NAALADL2: variants seen among roughly 807,000 people sequenced by gnomAD.
The protein encoded by NAALADL2 is inactive N-acetylated-alpha-linked acidic dipeptidase-like protein 2.
NAALADL2 carries 76 observed loss-of-function variants against 87.2 expected under a neutral mutation model. The ratio of observed to expected loss-of-function variants is 0.87; its 90% CI spans 0.72 to 1.05. The LOEUF is 1.05. NAALADL2 is among the 50% of genes least tolerant of loss of function. The pLI is 0.00. For missense variants in NAALADL2, 1,089 were observed against 945.8 expected (o/e 1.15, Z -1.99); for synonymous variants, 354 against 331.0 (o/e 1.07, Z -0.75).
intron 2 of NAALADL2, among the ~76,000 whole-genome samples, chr3:174,697,731 A>G (rs1729165052): frequency 6.6e-6 from 1 of 152,184 alleles, no homozygotes; most frequent in African/African-American, 2.4e-5. Context: ...TTAAAAATAA[A>G]TATGTAAAAA....
chr3:175,120,218 A>T (rs1209035868), intron 2 of NAALADL2, among the ~76,000 whole-genome samples: 1 of 151,732 alleles, frequency 6.6e-6, no homozygotes, highest in African/African-American at 2.4e-5. Context: ...TTCCATGTAG[A>T]CATTTTACAA....
At chr3:175,442,489 T>C (rs569408947) in intron 5 of NAALADL2, among the ~76,000 whole-genome samples, 2 of 152,308 alleles carry the variant, frequency 1.3e-5, no homozygotes, top group East Asian at 3.9e-4. Flanking sequence ...GCTCTATGGC[T>C]CTGAACTAAT....
intron 3 of NAALADL2, among the ~76,000 whole-genome samples, chr3:174,850,679 A>C (rs565514510): frequency 1.3e-5 from 2 of 152,282 alleles, no homozygotes; most frequent in South Asian, 4.1e-4. Context: ...GTGGACTTCA[A>C]CACACCATTT....
chr3:174,797,248 A>G (rs1718208478), intron 3 of NAALADL2, among the ~76,000 whole-genome samples: 1 of 146,784 alleles, frequency 6.8e-6, no homozygotes, highest in South Asian at 2.2e-4. Flanking sequence ...AAAGACCAGT[A>G]GGCTCTAAGT....
At chr3:175,233,831 C>T in intron 2 of NAALADL2, 100 bp from the exon 3 acceptor site, 5 of 676,050 alleles carry the variant, frequency 7.4e-6, no homozygotes, top group East Asian at 2.7e-5. Flanking sequence ...TTCAATATTC[C>T]ACAACATCTA....
chr3:175,169,142 G>A (rs1323347026), intron 2 of NAALADL2, among the ~76,000 whole-genome samples: 1 of 151,634 alleles, frequency 6.6e-6, no homozygotes, highest in Non-Finnish European at 1.5e-5. Context: ...GAATAATAAA[G>A]TTCTAAATAG....
intron 5 of NAALADL2, among the ~76,000 whole-genome samples, chr3:175,409,308 A>C (rs1713019024): frequency 6.6e-6 from 1 of 151,890 alleles, no homozygotes; most frequent in Non-Finnish European, 1.5e-5. Context: ...TAAATATGTT[A>C]ATTGAGCTAA....
At chr3:175,003,325 C>T (rs190601067) in intron 1 of NAALADL2, among the ~76,000 whole-genome samples, 1 of 152,168 alleles carries the variant, frequency 6.6e-6, no homozygotes, top group Admixed American at 6.5e-5. Context: ...CGAGACCTGC[C>T]TGAGTTGTGT....
intron 1 of NAALADL2, among the ~76,000 whole-genome samples, chr3:174,956,517 A>C (rs1163791070): frequency 1.3e-5 from 2 of 152,110 alleles, no homozygotes; most frequent in Non-Finnish European, 2.9e-5. Context: ...AAAAGTACAT[A>C]TATTATATAG....
chr3:175,710,246 G>A (rs1740343489), intron 11 of NAALADL2, among the ~76,000 whole-genome samples: 1 of 152,002 alleles, frequency 6.6e-6, no homozygotes, highest in Admixed American at 6.6e-5. Flanking sequence ...AGGAAAGTAG[G>A]AAAGTATGAA....
intron 1 of NAALADL2, among the ~76,000 whole-genome samples, chr3:174,956,478 A>G (rs1741170579): frequency 6.6e-6 from 1 of 152,092 alleles, no homozygotes; most frequent in Non-Finnish European, 1.5e-5. Context: ...TATGGGCCTC[A>G]CTTTTATCTC....
chr3:174,649,697 T>C (rs1724160233), intron 2 of NAALADL2, among the ~76,000 whole-genome samples: 1 of 152,108 alleles, frequency 6.6e-6, no homozygotes, highest in Admixed American at 6.5e-5. Flanking sequence ...AAGAAATATA[T>C]CATCCCCAAA....
At chr3:174,455,138 G>T (rs1005667035) in intron 1 of NAALADL2, among the ~76,000 whole-genome samples, 1 of 151,980 alleles carries the variant, frequency 6.6e-6, no homozygotes, top group Admixed American at 6.6e-5. Flanking sequence ...AGAAGAAATG[G>T]ATAAATTCCT....
At chr3:175,330,412 A>C (rs571224117) in intron 5 of NAALADL2, among the ~76,000 whole-genome samples, 1 of 151,256 alleles carries the variant, frequency 6.6e-6, no homozygotes, top group Admixed American at 6.6e-5. Context: ...TACTTCACGC[A>C]AGCCTTGGTT....
intron 5 of NAALADL2, among the ~76,000 whole-genome samples, chr3:175,354,456 G>T (rs1179817589): frequency 1.1e-4 from 16 of 151,910 alleles, no homozygotes; most frequent in Admixed American, 1.0e-3. Flanking sequence ...AAAGACAGAA[G>T]AAAATATTTT....
intron 2 of NAALADL2, among the ~76,000 whole-genome samples, chr3:175,182,116 G>T (rs1468251115): frequency 6.6e-6 from 1 of 151,862 alleles, no homozygotes; most frequent in East Asian, 1.9e-4. Context: ...ATATCTCATT[G>T]TAGTTTTAAT....
chr3:175,715,630 C>T (rs1451068765), intron 11 of NAALADL2, among the ~76,000 whole-genome samples: 1 of 152,076 alleles, frequency 6.6e-6, no homozygotes. Flanking sequence ...AACCCCAGCA[C>T]TTTTGGAGGC....
intron 3 of NAALADL2, among the ~76,000 whole-genome samples, chr3:175,239,263 G>A (rs1241035482): frequency 6.6e-6 from 1 of 152,132 alleles, no homozygotes; most frequent in Non-Finnish European, 1.5e-5. Context: ...AAATAATTTA[G>A]CATGTGTAAG....
At chr3:175,433,469 G>A (rs924233047) in intron 5 of NAALADL2, among the ~76,000 whole-genome samples, 2 of 152,038 alleles carry the variant, frequency 1.3e-5, no homozygotes, top group East Asian at 1.9e-4. Flanking sequence ...TCCTGCACAC[G>A]GGAACTAACA....
Sources: gnomAD v4.1 joint callset for allele counts (sites outside exome capture counted in the v4.1 genomes callset) on GRCh38, gnomAD v4.1.1 for gene constraint, MANE v1.5 for transcripts, NCBI Gene and HGNC (gene_info 2026-07-23, HGNC 2026-07-21) for gene names.